Variants in ILDR1 observed in about 807,000 individuals in gnomAD.
ILDR1 encodes immunoglobulin like domain containing receptor 1.
Under a neutral mutation model 62.4 loss-of-function variants are expected in ILDR1, and 56 were observed. The observed-to-expected ratio is 0.90, with a 90% CI of 0.72 to 1.12. The LOEUF is 1.12. ILDR1 is among the 50% of genes most tolerant of loss of function. The pLI is 0.00. For synonymous variants in ILDR1, 284 were observed against 277.8 expected (o/e 1.02, Z -0.22); for missense variants, 736 against 710.6 (o/e 1.04, Z -0.41).
chr3:122,022,085 C>T lies in ILDR1; in HGVS notation c.-8G>A. On this transcript the variant is annotated 5_prime_UTR_variant, in exon 1 of 8. Transcript: ENST00000344209. ...CAGTTTGGGCCATGCCATGCCGCCC[C>T]CTTTCTGGCCCTTTTCAGCTCAGGG... is the stretch of plus-strand genomic sequence containing the variant. 6.3e-7 allele frequency: 1 copy of T among 1,599,620 alleles called. No homozygotes were observed. Among genetic ancestry groups the T allele is most frequent in the Non-Finnish European group, 8.5e-7 (1 of 1,172,614 alleles).
intron 5 of ILDR1, among the ~76,000 whole-genome samples, chr3:121,995,509 C>A (rs1201225675): frequency 6.6e-6 from 1 of 152,194 alleles, no homozygotes; most frequent in Admixed American, 6.5e-5. Context: ...TCCAGCACAA[C>A]AGGAAGTGGT....
chr3:122,057,920 C>T, the ILDR1 span, among the ~76,000 whole-genome samples: 57 of 152,196 alleles, frequency 3.7e-4, no homozygotes, highest in African/African-American at 1.1e-3. Flanking sequence ...GCTAAGTGGC[C>T]GCACATTGAA....
chr3:122,018,830 C>T (rs1205448944), intron 1 of ILDR1, among the ~76,000 whole-genome samples: 1 of 152,186 alleles, frequency 6.6e-6, no homozygotes, highest in Non-Finnish European at 1.5e-5. Flanking sequence ...GTCTCCCATC[C>T]ATCACCCATA....
chr3:121,993,906 G>A lies in ILDR1; in HGVS notation c.843C>T (p.Ile281=), dbSNP rs371152020. The part of the protein sequence containing the change: ...PMTQTTNQPP[I]ANGVLEYLEK... Reference sequence around the variant, plus strand: ...CCAAATACTCCAGGACACCATTGGCGATGGGAGGCTGATTGGTGGTCTGGG... The same window carrying A: ...CCAAATACTCCAGGACACCATTGGCAATGGGAGGCTGATTGGTGGTCTGGG... The change falls in exon 7 of 8, where the codon ATC becomes ATT. Residue 281 remains isoleucine, a synonymous_variant. Coordinates refer to ENST00000344209, the MANE Select transcript of ILDR1 (RefSeq NM_001199799.2). 64 of 1,613,820 alleles carry A rather than the reference G, an allele frequency of 4.0e-5. No homozygotes were observed. The highest frequency in any genetic ancestry group is 3.9e-4 in the African/African-American group (29 of 75,036).
Position 121,987,972 on chromosome 3 carries a change from A to G in ILDR1, c.*395T>C. The G allele has an allele frequency of 2.9e-6, 1 of 346,188 alleles. No homozygotes were observed. Among genetic ancestry groups the G allele is most frequent in the East Asian group, 7.5e-5 (1 of 13,404 alleles). 21.4% of individuals were successfully genotyped at this position (346,188 alleles called of 1,614,324 possible). A position where few individuals can be genotyped will look rare whatever the true frequency, so the allele number is the denominator to read the frequency against. ...CAGGCTGGAATACAGATGTGTGATC[A>G]TGGGATCCTGGCTCATTGCAGCCTT... On this transcript the variant is annotated 3_prime_UTR_variant, in exon 8 of 8. Coordinates refer to ENST00000344209, the MANE Select transcript of ILDR1 (RefSeq NM_001199799.2).
upstream of ILDR1, chr3:122,025,404 G>T (rs1227908561): frequency 6.6e-6 from 1 of 152,198 alleles, no homozygotes; most frequent in Non-Finnish European, 1.5e-5. Context: ...TACAGATGAG[G>T]TGCAAAGGTT....
chr3:122,055,328 C>T, the ILDR1 span: 3 of 635,076 alleles, frequency 4.7e-6, no homozygotes, highest in South Asian at 4.3e-5. Context: ...AGAGGAACAG[C>T]TTCTCTTAAA....
rs536811056 is a variant in ILDR1 at position 121,988,425 on chromosome 3, T to A, written c.1600-17A>T. On this transcript the variant is annotated splice_polypyrimidine_tract_variant and intron_variant, in intron 7 of 7. Coordinates refer to ENST00000344209, the MANE Select transcript of ILDR1 (RefSeq NM_001199799.2). ...GTCTTTCTCCTGGGAAATAGAAGAA[T>A]ACACACACAAAAAAAATCCAGTCAG... 7.5e-6 allele frequency: 12 copies of A among 1,609,718 alleles called. No homozygotes were observed. The highest frequency in any genetic ancestry group is 6.7e-5 in the African/African-American group (5 of 74,910).
At chr3:122,011,677 T>TCACACACACACACACACAAACACA (rs2071705975) in intron 1 of ILDR1, among the ~76,000 whole-genome samples, 2 of 133,138 alleles carry the variant, frequency 1.5e-5, no homozygotes, top group African/African-American at 5.9e-5. Context: ...TCTCTCTCTT[T>TCACACACACACACACACAAACACA]CACACACACA....
the ILDR1 span, among the ~76,000 whole-genome samples, chr3:122,042,134 T>A: frequency 0.013 from 1,364 of 101,914 alleles, 19 homozygotes; most frequent in Middle Eastern, 0.028. Context: ...ATCTCATTGT[T>A]CAATTCCCAC....
chr3:122,060,084 C>G, the ILDR1 span, among the ~76,000 whole-genome samples: 1 of 152,162 alleles, frequency 6.6e-6, no homozygotes. Context: ...AACTAATACA[C>G]TTGGTGAGAG....
chr3:122,029,116 G>C, the ILDR1 span, among the ~76,000 whole-genome samples: 1 of 152,182 alleles, frequency 6.6e-6, no homozygotes, highest in Non-Finnish European at 1.5e-5. Context: ...TGTGAATAAA[G>C]AAGCTGTAAA....
At chr3:122,000,277 A>G (rs1463178729) in intron 5 of ILDR1, among the ~76,000 whole-genome samples, 2 of 149,956 alleles carry the variant, frequency 1.3e-5, no homozygotes, top group Admixed American at 6.6e-5. Flanking sequence ...AAGAAAAAAC[A>G]GAAATCATCC....
chr3:122,053,875 T>G, the ILDR1 span, among the ~76,000 whole-genome samples: 4 of 152,236 alleles, frequency 2.6e-5, no homozygotes, highest in African/African-American at 9.6e-5. Context: ...TAATATTTAA[T>G]ATTTATAACA....
intron 2 of ILDR1, among the ~76,000 whole-genome samples, chr3:122,006,240 C>A (rs12486781): frequency 6.6e-6 from 1 of 152,058 alleles, no homozygotes; most frequent in Non-Finnish European, 1.5e-5. Flanking sequence ...GCTCACTTTT[C>A]CCTATGAACA....
intron 7 of ILDR1, among the ~76,000 whole-genome samples, chr3:121,988,819 C>T (rs1021196093): frequency 1.3e-5 from 2 of 152,200 alleles, no homozygotes; most frequent in Non-Finnish European, 2.9e-5. Context: ...TGAATCATTC[C>T]TTCCCAGCCC....
the ILDR1 span, among the ~76,000 whole-genome samples, chr3:122,035,039 C>T: frequency 6.6e-6 from 1 of 152,122 alleles, no homozygotes; most frequent in East Asian, 1.9e-4. Context: ...CCACTAGGAG[C>T]TCAAGAGAAA....
chr3:122,032,559 C>T, the ILDR1 span, among the ~76,000 whole-genome samples: 13 of 152,148 alleles, frequency 8.5e-5, no homozygotes, highest in African/African-American at 2.9e-4. Flanking sequence ...TTCAACCCTC[C>T]TCCCTTGAAA....
the ILDR1 span, among the ~76,000 whole-genome samples, chr3:122,041,910 C>CT: frequency 2.6e-3 from 366 of 141,096 alleles, no homozygotes; most frequent in African/African-American, 3.3e-3. Context: ...ATTTCTTTTT[C>CT]TTTTTTTTTT....
Sources: allele counts gnomAD v4.1 joint callset (sites outside exome capture counted in the v4.1 genomes callset), GRCh38; gene constraint gnomAD v4.1.1; transcripts MANE v1.5; gene names NCBI Gene and HGNC (gene_info 2026-07-23, HGNC 2026-07-21).